CDH26: variants seen among roughly 807,000 people sequenced by gnomAD.
The protein encoded by CDH26 is cadherin 26.
Under a neutral mutation model 90.3 loss-of-function variants are expected in CDH26, and 83 were observed. The ratio of observed to expected loss-of-function variants is 0.92; its 90% CI spans 0.77 to 1.10. The LOEUF (loss-of-function observed/expected upper bound fraction) is 1.10, where lower values mean the gene tolerates loss of function less well. Ranked by LOEUF, CDH26 falls within the 50% of genes least tolerant of loss-of-function variation. The pLI is 0.00. For missense variants in CDH26, 1,013 were observed against 1,037.6 expected, an observed-to-expected ratio of 0.98 and a Z score of 0.33; for synonymous variants, 397 against 396.3, an observed-to-expected ratio of 1.00 and a Z score of -0.02.
At chr20:60,020,594 A>C (rs1262175437) in intron 7 of CDH26, among the ~76,000 whole-genome samples, 2 of 152,194 alleles carry the variant, frequency 1.3e-5, no homozygotes, top group African/African-American at 4.8e-5. Flanking sequence ...TGGTGGAATG[A>C]ATATGGAGCG....
chr20:60,021,861 C>CACACACACACACACACACACAT lies in CDH26; in HGVS notation c.948-9349_948-9348insTACACACACACACACACACACA, dbSNP rs1555903602. Among the ~76,000 whole-genome samples the CACACACACACACACACACACAT allele has an allele frequency of 2.7e-3, 187 of 68,812 alleles. 18 individuals carry two copies. Among genetic ancestry groups the CACACACACACACACACACACAT allele is most frequent in the Non-Finnish European group, 3.9e-3 (113 of 28,906 alleles). 45.1% of individuals were successfully genotyped at this position (68,812 alleles called of 152,430 possible). A position where few individuals can be genotyped will look rare whatever the true frequency, so the allele number is the denominator to read the frequency against. ...ATATCCTTATCTGTACACACACACACACACACACACACACACACACACACA... is the reference window on the plus strand; with the variant it reads ...ATATCCTTATCTGTACACACACACACACACACACACACACACACACATACACACACACACACACACACACACA... On this transcript the variant is annotated intron_variant, in intron 7 of 8. Coordinates refer to the CDH26 transcript ENST00000370991.
intron 4 of CDH26, among the ~76,000 whole-genome samples, chr20:59,977,324 C>T (rs897541471): frequency 2.0e-5 from 3 of 152,148 alleles, no homozygotes; most frequent in Non-Finnish European, 4.4e-5. Context: ...GGACCACCCT[C>T]GTGCCAGGAT....
At chr20:59,994,884 A>C (rs555783905) in intron 11 of CDH26, among the ~76,000 whole-genome samples, 2 of 152,258 alleles carry the variant, frequency 1.3e-5, no homozygotes, top group East Asian at 3.9e-4. Flanking sequence ...CCCAGCCCAC[A>C]CCTGGACCTT....
chr20:60,000,009 C>CA (rs1352522233), intron 14 of CDH26, among the ~76,000 whole-genome samples: 9 of 152,290 alleles, frequency 5.9e-5, no homozygotes, highest in African/African-American at 2.2e-4. Context: ...CTTGTGTCCA[C>CA]ATTAAGTACA....
At position 59,967,945 on chromosome 20, in the gene CDH26, TTCTTTCTTTCTA is replaced by T. The variant is rs1456150029; in HGVS notation, c.70-1010_70-999del. Among the ~76,000 whole-genome samples, 645 of 109,394 alleles carry T rather than the reference TTCTTTCTTTCTA, an allele frequency of 5.9e-3. 42 individuals are homozygous for T. Among genetic ancestry groups the T allele is most frequent in the African/African-American group, 0.02 (379 of 18,654 alleles). 71.8% of individuals were successfully genotyped at this position (109,394 alleles called of 152,430 possible). Reference sequence around the variant, plus strand: ...TTTCCTTTCCTTTCCCTTTCTTTCTTTCTTTCTTTCTATCTTTCTTTCTTTCTTTCTTTCTTT... The same window carrying T: ...TTTCCTTTCCTTTCCCTTTCTTTCTTTCTTTCTTTCTTTCTTTCTTTCTTT... On this transcript the variant is annotated intron_variant, in intron 1 of 17. Coordinates refer to ENST00000348616, the MANE Select transcript of CDH26 (RefSeq NM_177980.4).
intron 13 of CDH26, among the ~76,000 whole-genome samples, chr20:59,998,712 C>A (rs890521414): frequency 7.3e-5 from 11 of 150,850 alleles, no homozygotes; most frequent in African/African-American, 2.2e-4. Context: ...TGATCAGTTA[C>A]ATAATCTAAC....
intron 17 of CDH26, among the ~76,000 whole-genome samples, chr20:60,009,212 G>T (rs1301589024): frequency 6.6e-6 from 1 of 152,166 alleles, no homozygotes; most frequent in Non-Finnish European, 1.5e-5. Flanking sequence ...CCAGAAATGG[G>T]GCACAGAGTG....
intron 4 of CDH26, among the ~76,000 whole-genome samples, chr20:59,981,318 T>A (rs1020386458): frequency 5.3e-5 from 8 of 152,214 alleles, no homozygotes; most frequent in Admixed American, 3.9e-4. Flanking sequence ...TAGGTCAATT[T>A]GGAAAGAACT....
At chr20:60,032,575 A>G (rs190762788) in intron 8 of CDH26, among the ~76,000 whole-genome samples, 2,823 of 152,208 alleles carry the variant, frequency 0.019, 105 homozygotes, top group African/African-American at 0.065. Context: ...ATTATTCACA[A>G]TAGCAAAGAC....
intron 1 of CDH26, among the ~76,000 whole-genome samples, chr20:59,967,557 A>T (rs1241000960): frequency 6.6e-6 from 1 of 152,170 alleles, no homozygotes; most frequent in Non-Finnish European, 1.5e-5. Flanking sequence ...GGAAAATACA[A>T]AGAATTCCAA....
intron 8 of CDH26, among the ~76,000 whole-genome samples, chr20:60,033,190 T>C (rs1379102962): frequency 2.0e-5 from 3 of 152,200 alleles, no homozygotes; most frequent in Non-Finnish European, 2.9e-5. Context: ...GAGTCCTTAT[T>C]GCTTTGTCGG....
Position 59,989,789 on chromosome 20 carries a change from C to G in CDH26, c.1283+626C>G, listed in dbSNP as rs150545918. On this transcript the variant is annotated intron_variant, in intron 9 of 17. Coordinates refer to ENST00000348616, the MANE Select transcript of CDH26 (RefSeq NM_177980.4). ...AATCCGTTACATTTTTCTGTCTCCC[C>G]CTCTGTACCAGAAGTTATAAACCAG... is the stretch of plus-strand genomic sequence containing the variant. Among the ~76,000 whole-genome samples the G allele has an allele frequency of 6.5e-3, 989 of 152,290 alleles. 13 individuals carry two copies. Among genetic ancestry groups the G allele is most frequent in the Non-Finnish European group, 0.011 (772 of 68,022 alleles).
At chr20:60,021,883 C>T (rs12625891) in intron 7 of CDH26, among the ~76,000 whole-genome samples, 683 of 65,236 alleles carry the variant, frequency 0.01, 29 homozygotes, top group Non-Finnish European at 0.018. Context: ...CACACACACA[C>T]ACACACACAC....
chr20:59,998,933 G>C (rs115931468), intron 13 of CDH26, among the ~76,000 whole-genome samples: 2 of 152,224 alleles, frequency 1.3e-5, no homozygotes, highest in East Asian at 3.9e-4. Context: ...TTATCCCTCT[G>C]TCCATCTTAC....
intron 2 of CDH26, 125 bp from the exon 3 acceptor site, chr20:59,969,957 C>A: frequency 7.2e-7 from 1 of 1,398,438 alleles, no homozygotes; most frequent in Non-Finnish European, 9.5e-7. Flanking sequence ...GGTGGCTGTT[C>A]TGGCGATGAG....
chr20:60,008,190 A>G (rs1408404400), intron 17 of CDH26, among the ~76,000 whole-genome samples: 3 of 152,238 alleles, frequency 2.0e-5, no homozygotes, highest in Non-Finnish European at 2.9e-5. Context: ...AAATGTAGAC[A>G]GTCTCTGTCA....
In CDH26 at chr20:60,030,824, G is replaced by A. The variant is rs2062034661; in HGVS notation, c.948-407G>A. ...GTCCTGCACCTAGTTAAGAAGCCATGACTCCCCTTGGACAATTACCTGCAC... is the reference window on the plus strand; with the variant it reads ...GTCCTGCACCTAGTTAAGAAGCCATAACTCCCCTTGGACAATTACCTGCAC... On this transcript the variant is annotated intron_variant, in intron 7 of 8. Coordinates refer to the CDH26 transcript ENST00000370991. This position sits in a 1 kb window ranked among gnomAD's most constrained non-coding sequence, Gnocchi z 4.0. Among the ~76,000 whole-genome samples the A allele has an allele frequency of 6.6e-6, 1 of 152,186 alleles. No homozygotes were observed. Among genetic ancestry groups the A allele is most frequent in the Non-Finnish European group, 1.5e-5 (1 of 68,034 alleles).
chr20:59,983,156 T>G, intron 5 of CDH26, 86 bp downstream of exon 5: 2 of 1,477,104 alleles, frequency 1.4e-6, no homozygotes, highest in South Asian at 1.3e-5. Context: ...TTGATCCTAG[T>G]CATCTTCAGG....
At chr20:59,971,239 A>G (rs1035891853) in intron 3 of CDH26, among the ~76,000 whole-genome samples, 3 of 152,200 alleles carry the variant, frequency 2.0e-5, no homozygotes, top group Non-Finnish European at 4.4e-5. Flanking sequence ...TTCAAGTCTC[A>G]GTGGTTAAAA....
Sources: gnomAD v4.1 joint callset for allele counts (sites outside exome capture counted in the v4.1 genomes callset) on GRCh38, gnomAD v4.1.1 for gene constraint, Gnocchi (gnomAD v3.1) non-coding constraint, MANE v1.5 for transcripts, NCBI Gene and HGNC (gene_info 2026-07-23, HGNC 2026-07-21) for gene names.